PAG1: variants seen among roughly 807,000 people sequenced by gnomAD.
PAG1 encodes the protein phosphoprotein membrane anchor with glycosphingolipid microdomains 1.
In PAG1, 23 loss-of-function variants were observed where a neutral mutation model predicts 31.7. That is an observed-to-expected ratio of 0.73 (90% CI 0.52 to 1.03). The LOEUF (loss-of-function observed/expected upper bound fraction) is 1.03, where lower values mean the gene tolerates loss of function less well. PAG1 is among the 50% of genes least tolerant of loss of function. The probability of loss-of-function intolerance (pLI) is 0.00; values close to 1 mark genes in which losing one functional copy is unlikely to be tolerated. For missense variants in PAG1, 473 were observed against 540.7 expected, an observed-to-expected ratio of 0.87 and a Z score of 1.24; for synonymous variants, 214 against 210.3, an observed-to-expected ratio of 1.02 and a Z score of -0.15.
At chr8:81,050,698 A>T (rs1376884701) in intron 2 of PAG1, among the ~76,000 whole-genome samples, 3 of 147,046 alleles carry the variant, frequency 2.0e-5, no homozygotes, top group African/African-American at 8.2e-5. Context: ...GAAAACAGAA[A>T]GACAAGTAAA....
In PAG1 at chr8:80,989,912, C is replaced by T. The variant is rs112113402; in HGVS notation, c.177+1567G>A. ...TGCTCTAGAAGGAAGTGAGGAATGG[C>T]GGTGGGAGCCCTTCCCCAGCCCCAC... On this transcript the variant is annotated intron_variant, in intron 5 of 8. Coordinates refer to ENST00000220597, the MANE Select transcript of PAG1 (RefSeq NM_018440.4). 3.0e-4 allele frequency among the ~76,000 whole-genome samples: 46 copies of T among 152,224 alleles called. 1 individual carries two copies. Among genetic ancestry groups the T allele is most frequent in the African/African-American group, 9.4e-4 (39 of 41,552 alleles).
chr8:81,053,457 A>G (rs1387898705), intron 2 of PAG1, among the ~76,000 whole-genome samples: 2 of 152,250 alleles, frequency 1.3e-5, no homozygotes, highest in African/African-American at 2.4e-5. Flanking sequence ...GAGACAGACC[A>G]TAGTTATTTC....
intron 1 of PAG1, among the ~76,000 whole-genome samples, chr8:81,088,366 T>G (rs1247921982): frequency 6.6e-6 from 1 of 152,214 alleles, no homozygotes. Context: ...TAACTGCGGA[T>G]TTTTTTCACC....
At chr8:81,108,716 C>T (rs2131145818) in intron 1 of PAG1, among the ~76,000 whole-genome samples, 1 of 152,254 alleles carries the variant, frequency 6.6e-6, no homozygotes, top group African/African-American at 2.4e-5. Flanking sequence ...TGGAACCCAG[C>T]TGAGAAGTCT....
chr8:80,977,666 T>C (rs1156329321), intron 8 of PAG1, among the ~76,000 whole-genome samples: 1 of 152,214 alleles, frequency 6.6e-6, no homozygotes, highest in African/African-American at 2.4e-5. Flanking sequence ...CATTCTCGCT[T>C]GCAACCAGCC....
In PAG1 at chr8:81,097,663, C is replaced by T. The variant is rs192290946; in HGVS notation, c.-234+13928G>A. On this transcript the variant is annotated intron_variant, in intron 1 of 8. Transcript: ENST00000220597. ...GATTCAATTTCATACTGATGGTTCA[C>T]CTTCAGACAGAGATTTTGGTGGCAC... 1.3e-3 allele frequency among the ~76,000 whole-genome samples: 201 copies of T among 151,218 alleles called. 1 individual carries two copies. Among genetic ancestry groups the T allele is most frequent in the African/African-American group, 4.6e-3 (188 of 41,116 alleles).
intron 1 of PAG1, among the ~76,000 whole-genome samples, chr8:81,081,990 C>T (rs1016659281): frequency 4.6e-5 from 7 of 152,004 alleles, no homozygotes; most frequent in Non-Finnish European, 5.9e-5. Context: ...TGGTGGCTCA[C>T]GCCTGTAATC....
At chr8:81,034,091 C>T (rs1338272642) in intron 2 of PAG1, among the ~76,000 whole-genome samples, 1 of 152,204 alleles carries the variant, frequency 6.6e-6, no homozygotes, top group Non-Finnish European at 1.5e-5. Context: ...AATCATGAAA[C>T]TCAATTACAG....
intron 7 of PAG1, among the ~76,000 whole-genome samples, chr8:80,981,863 T>C (rs7009904): frequency 7.0e-4 from 31 of 44,196 alleles, no homozygotes; most frequent in African/African-American, 3.2e-3. Context: ...TCTCACTTCC[T>C]TTTTTTTTTT....
At position 80,985,231 on chromosome 8, in the gene PAG1, C is replaced by A. The variant is rs775054099; in HGVS notation, c.421G>T (p.Ala141Ser). The change falls in exon 7 of 9, where the codon GCA (alanine) becomes TCA (serine). Residue 141 changes from alanine to serine, a missense_variant. Coordinates refer to ENST00000220597, the MANE Select transcript of PAG1 (RefSeq NM_018440.4). ...CTCGCCGTGAGCATGGTATCCACTG[C>A]GCTCTCGGGAGGGATTCTGGGCAGC... ...RELPRIPPES[A>S]VDTMLTARSV... 4 of 1,614,002 alleles carry A rather than the reference C, an allele frequency of 2.5e-6. No individual in the cohort carries two copies. The highest frequency in any genetic ancestry group is 1.1e-5 in the South Asian group (1 of 91,078).
intron 1 of PAG1, among the ~76,000 whole-genome samples, chr8:81,076,417 C>T (rs16908512): frequency 0.074 from 11,259 of 152,204 alleles, 1,402 homozygotes; most frequent in African/African-American, 0.25. Flanking sequence ...GGAGCTGACG[C>T]TAATTTAATA....
intron 2 of PAG1, among the ~76,000 whole-genome samples, chr8:81,052,981 G>A (rs971852134): frequency 1.3e-5 from 2 of 152,106 alleles, no homozygotes; most frequent in Admixed American, 6.6e-5. Flanking sequence ...TAATCCTTTC[G>A]TATTTCAAAG....
At chr8:81,101,794 A>G (rs1485931722) in intron 1 of PAG1, among the ~76,000 whole-genome samples, 1 of 152,184 alleles carries the variant, frequency 6.6e-6, no homozygotes, top group Admixed American at 6.5e-5. Flanking sequence ...TAGATTACTA[A>G]TTTAGACATG....
chr8:81,035,409 GACATAGTCATCCTAGTGTTC>G, intron 2 of PAG1, among the ~76,000 whole-genome samples: 1 of 152,228 alleles, frequency 6.6e-6, no homozygotes, highest in Middle Eastern at 3.4e-3. Context: ...GCTGGAATGT[GACATAGTCATCCTAGTGTTC>G]ACTGGGGCAA....
intron 2 of PAG1, among the ~76,000 whole-genome samples, chr8:81,049,204 C>G (rs930929996): frequency 6.6e-6 from 1 of 152,180 alleles, no homozygotes; most frequent in Non-Finnish European, 1.5e-5. Flanking sequence ...TTCAACAAAG[C>G]CCTGTCATTA....
intron 8 of PAG1, among the ~76,000 whole-genome samples, chr8:80,980,019 C>CT (rs754731595): frequency 4.6e-5 from 7 of 152,078 alleles, no homozygotes; most frequent in Non-Finnish European, 8.8e-5. Flanking sequence ...GAGACTTCCT[C>CT]TTTCTGTCTC....
intron 1 of PAG1, among the ~76,000 whole-genome samples, chr8:81,107,823 T>C (rs181783218): frequency 6.6e-6 from 1 of 152,332 alleles, no homozygotes; most frequent in South Asian, 2.1e-4. Flanking sequence ...GGGCTGCACA[T>C]GAACTGCTTG....
intron 1 of PAG1, among the ~76,000 whole-genome samples, chr8:81,074,355 G>C (rs1323689606): frequency 1.3e-5 from 2 of 152,264 alleles, no homozygotes; most frequent in African/African-American, 4.8e-5. Context: ...GAACCTGAGG[G>C]TGGATGCAAA....
At chr8:80,983,858 A>G (rs2130408873) in intron 7 of PAG1, among the ~76,000 whole-genome samples, 1 of 152,358 alleles carries the variant, frequency 6.6e-6, no homozygotes, top group East Asian at 1.9e-4. Flanking sequence ...GGTGCTCTCA[A>G]CAGCTGATTT....
Sources: allele counts gnomAD v4.1 joint callset (sites outside exome capture counted in the v4.1 genomes callset), GRCh38; gene constraint gnomAD v4.1.1; transcripts MANE v1.5; gene names NCBI Gene and HGNC (gene_info 2026-07-23, HGNC 2026-07-21).